MTA1: variants seen among roughly 807,000 people sequenced by gnomAD.
The protein encoded by MTA1 is metastasis-associated protein MTA1.
Under a neutral mutation model 97.0 loss-of-function variants are expected in MTA1, and 15 were observed. The ratio of observed to expected loss-of-function variants is 0.15; its 90% CI spans 0.10 to 0.24. The LOEUF is 0.24. MTA1 is among the 10% of genes least tolerant of loss of function. The pLI, the probability that MTA1 is intolerant of heterozygous loss-of-function variation, is 1.00. For synonymous variants in MTA1, 435 were observed against 417.5 expected (o/e 1.04, Z -0.51); for missense variants, 709 against 1,015.1 (o/e 0.70, Z 4.10).
intron 2 of MTA1, among the ~76,000 whole-genome samples, chr14:105,440,902 GC>G (rs2082489293): frequency 6.6e-6 from 1 of 152,216 alleles, no homozygotes; most frequent in African/African-American, 2.4e-5. Flanking sequence ...TGGACTGAAC[GC>G]CCCCTCAAAT....
chr14:105,451,876 C>T (rs995997957), intron 6 of MTA1, among the ~76,000 whole-genome samples: 29 of 146,984 alleles, frequency 2.0e-4, no homozygotes, highest in Admixed American at 7.8e-4. Flanking sequence ...CTGCAACCTC[C>T]GCCTCCCGGG....
chr14:105,442,525 A>C (rs1196831741), intron 2 of MTA1, among the ~76,000 whole-genome samples: 1 of 152,266 alleles, frequency 6.6e-6, no homozygotes, highest in Non-Finnish European at 1.5e-5. Flanking sequence ...ATGAAAAACT[A>C]GGCAAGTGGA....
intron 2 of MTA1, among the ~76,000 whole-genome samples, chr14:105,440,911 A>G (rs1429098197): frequency 6.6e-6 from 1 of 152,212 alleles, no homozygotes; most frequent in African/African-American, 2.4e-5. Flanking sequence ...CGCCCCCTCA[A>G]ATAACAAGAA....
At chr14:105,468,633 G>A (rs1212264887) in intron 18 of MTA1, among the ~76,000 whole-genome samples, 1 of 152,204 alleles carries the variant, frequency 6.6e-6, no homozygotes, top group Non-Finnish European at 1.5e-5. Context: ...CCTCAGCTAA[G>A]CAGCGTTTCT....
In MTA1 at chr14:105,463,480, C is replaced by G. The variant is rs782710752; in HGVS notation, c.1018-13C>G. The G allele has an allele frequency of 6.2e-6, 10 of 1,613,018 alleles. No individual in the cohort carries two copies. Among genetic ancestry groups the G allele is most frequent in the South Asian group, 1.1e-5 (1 of 91,068 alleles). Reference sequence around the variant, plus strand: ...CTAGCCTGCTGACCTCTGACCTTCTCTTTTGTTTTAAGAAACGCTTGAAAG... The same window carrying G: ...CTAGCCTGCTGACCTCTGACCTTCTGTTTTGTTTTAAGAAACGCTTGAAAG... On this transcript the variant is annotated splice_polypyrimidine_tract_variant and intron_variant, in intron 11 of 20. Coordinates refer to ENST00000331320, the MANE Select transcript of MTA1 (RefSeq NM_004689.4). This position sits in a 1 kb window ranked among gnomAD's most constrained non-coding sequence, Gnocchi z 5.9.
chr14:105,441,379 T>C (rs905618793), intron 2 of MTA1, among the ~76,000 whole-genome samples: 5 of 151,656 alleles, frequency 3.3e-5, no homozygotes, highest in Admixed American at 3.3e-4. Context: ...CCAGCACCCA[T>C]GGGTGCAGCC....
At chr14:105,468,732 G>A (rs1595434118) in intron 18 of MTA1, among the ~76,000 whole-genome samples, 1 of 152,228 alleles carries the variant, frequency 6.6e-6, no homozygotes, top group African/African-American at 2.4e-5. Flanking sequence ...TGGTCCTGCT[G>A]GGAGCCGAGC....
rs782054064 is a variant in MTA1, at chr14:105,469,848, G to A, written c.1853G>A (p.Ser618Asn). The A allele has an allele frequency of 1.3e-5, 21 of 1,606,064 alleles. No homozygotes were observed. Among genetic ancestry groups the A allele is most frequent in the Non-Finnish European group, 1.8e-5 (21 of 1,176,980 alleles). The change falls in exon 20 of 21, where the codon AGC becomes AAC. Residue 618 changes from serine (S) to asparagine (N), a missense_variant. By Grantham distance (46) the Ser-to-Asn change is conservative. Transcript: ENST00000331320. ...NHGQARHMGP[S>N]RNLLLNGKSY... ...AGTGCACCCCCTCTGCAGGGACCAA[G>A]CCGGAACCTCCTGCTCAACGGGAAG...
intron 3 of MTA1, 82 bp from the exon 4 acceptor site, chr14:105,449,276 GC>G: frequency 7.0e-7 from 1 of 1,435,108 alleles, no homozygotes; most frequent in African/African-American, 1.4e-5. Flanking sequence ...TGGCGGCACA[GC>G]CCTCGGTCCG....
chr14:105,440,204 G>A (rs782621195), intron 2 of MTA1, among the ~76,000 whole-genome samples: 10 of 152,230 alleles, frequency 6.6e-5, no homozygotes, highest in Admixed American at 2.6e-4. Flanking sequence ...GGGTACTGCC[G>A]GAATGGGGCG....
chr14:105,466,487 C>A lies in MTA1; in HGVS notation c.1686C>A (p.Ser562Arg). ...AAAGCGTGTCCAGCGTGCTCAGCAGCCTGACGCCCGCCAAGGTGGCCCCCG... is the reference window on the plus strand; with the variant it reads ...AAAGCGTGTCCAGCGTGCTCAGCAGACTGACGCCCGCCAAGGTGGCCCCCG... Reference protein sequence around the residue: ...PVKSVSSVLSSLTPAKVAPVI... With the variant: ...PVKSVSSVLSRLTPAKVAPVI... Residue 562 changes from serine to arginine, a missense_variant, in exon 17 of 21, where the codon AGC (serine) becomes AGA (arginine). Ser to Arg is a moderately radical substitution (Grantham distance 110). This residue lies in a region of MTA1 where 388 missense variants were observed against 421.6 expected (regional missense o/e 0.92). Coordinates refer to ENST00000331320, the MANE Select transcript of MTA1 (RefSeq NM_004689.4). 6.3e-7 allele frequency: 1 copy of A among 1,592,460 alleles called. No homozygotes were observed. The highest frequency in any genetic ancestry group is 8.5e-7 in the Non-Finnish European group (1 of 1,169,622).
In MTA1 at chr14:105,464,805, G is replaced by A. The variant is rs782244024; in HGVS notation, c.1476G>A (p.Pro492=). The change falls in exon 15 of 21, where the codon CCG becomes CCA. Residue 492 remains proline, a synonymous_variant. Coordinates refer to ENST00000331320, the MANE Select transcript of MTA1 (RefSeq NM_004689.4). ...GCCTGTGCCGTGAGATCCTGCGCCCGTGGCACGCTGCGCGGCACCCCTACC... is the reference window on the plus strand; with the variant it reads ...GCCTGTGCCGTGAGATCCTGCGCCCATGGCACGCTGCGCGGCACCCCTACC... ...ARRLCREILR[P]WHAARHPYLP... The A allele has an allele frequency of 9.4e-5, 150 of 1,603,966 alleles. No homozygotes were observed. The highest frequency in any genetic ancestry group is 1.3e-4 in the East Asian group (6 of 44,636).
At position 105,458,384 on chromosome 14, in the gene MTA1, TC is replaced by T. The variant is rs1567035643; in HGVS notation, c.653+14del. The T allele has an allele frequency of 1.9e-6, 3 of 1,611,194 alleles. 1 individual carries two copies. The South Asian group carries it at 3.3e-5, about 18-fold the overall frequency. On this transcript the variant is annotated intron_variant, in intron 8 of 20. Coordinates refer to ENST00000331320, the MANE Select transcript of MTA1 (RefSeq NM_004689.4). Reference sequence around the variant, plus strand: ...CTGGTGGTGGCCCGGTGAGTCCTGCTCCTGGGCAAGGCCAGCAGGGGTGGTG... The same window carrying T: ...CTGGTGGTGGCCCGGTGAGTCCTGCTCTGGGCAAGGCCAGCAGGGGTGGTG...
At chr14:105,457,412 C>A (rs1438572808) in intron 7 of MTA1, among the ~76,000 whole-genome samples, 5 of 152,236 alleles carry the variant, frequency 3.3e-5, no homozygotes, top group South Asian at 2.1e-4. Context: ...TCCCAGCTCC[C>A]AGAAGACAGG....
chr14:105,426,877 G>A (rs1223592237), intron 1 of MTA1, among the ~76,000 whole-genome samples: 1 of 152,196 alleles, frequency 6.6e-6, no homozygotes, highest in Non-Finnish European at 1.5e-5. Context: ...CTGGAGCAGG[G>A]GTGCTGGGGG....
chr14:105,458,063 C>G (rs1477535144), intron 7 of MTA1, among the ~76,000 whole-genome samples: 1 of 152,170 alleles, frequency 6.6e-6, no homozygotes, highest in Non-Finnish European at 1.5e-5. Context: ...AGGCCCCTTG[C>G]GTGTGCACCC....
Position 105,439,371 on chromosome 14 carries a change from G to A in MTA1, c.96+632G>A, listed in dbSNP as rs587651462. 3.3e-5 allele frequency among the ~76,000 whole-genome samples: 5 copies of A among 152,236 alleles called. No individual in the cohort carries two copies. In the South Asian group the frequency reaches 1.0e-3, roughly 32 times the overall value. On this transcript the variant is annotated intron_variant, in intron 2 of 20. Coordinates refer to ENST00000331320, the MANE Select transcript of MTA1 (RefSeq NM_004689.4). ...GGTCGGGGGACGTGGTTGTGCCCATGCATTGAGCCTGGCAGCACCAGATCC... is the reference window on the plus strand; with the variant it reads ...GGTCGGGGGACGTGGTTGTGCCCATACATTGAGCCTGGCAGCACCAGATCC...
intron 1 of MTA1, among the ~76,000 whole-genome samples, chr14:105,434,996 T>C (rs1221580177): frequency 6.6e-6 from 1 of 152,218 alleles, no homozygotes; most frequent in Non-Finnish European, 1.5e-5. Flanking sequence ...TGGCTGGGAC[T>C]TCCTCGATGG....
At chr14:105,443,534 G>A (rs1342288489) in intron 2 of MTA1, among the ~76,000 whole-genome samples, 1 of 152,146 alleles carries the variant, frequency 6.6e-6, no homozygotes, top group Non-Finnish European at 1.5e-5. Context: ...ACTGCATCTG[G>A]TTAATTTTTA....
Sources: gnomAD v4.1 joint callset for allele counts (sites outside exome capture counted in the v4.1 genomes callset) on GRCh38, gnomAD v4.1.1 for gene constraint, gnomAD v4.1.1 regional missense constraint, Gnocchi (gnomAD v3.1) non-coding constraint, MANE v1.5 for transcripts, NCBI Gene and HGNC (gene_info 2026-07-23, HGNC 2026-07-21) for gene names.